NRDE2: variants seen among roughly 807,000 people sequenced by gnomAD.
The protein encoded by NRDE2 is nuclear exosome regulator NRDE2.
A neutral mutation model predicts 124.2 loss-of-function variants in NRDE2; 76 were observed. The ratio of observed to expected loss-of-function variants is 0.61; its 90% CI spans 0.51 to 0.74. The LOEUF (loss-of-function observed/expected upper bound fraction) is 0.74. NRDE2 is among the 30% of genes least tolerant of loss of function. NRDE2 has a pLI of 0.00. For synonymous variants in NRDE2, 489 were observed against 528.1 expected (o/e 0.93, Z 1.01); for missense variants, 1,314 against 1,417.3 (o/e 0.93, Z 1.17).
chr14:90,286,260 G>A, intron 12 of NRDE2, 94 bp downstream of exon 12: 1 of 1,412,822 alleles, frequency 7.1e-7, no homozygotes, highest in Non-Finnish European at 9.5e-7. Context: ...GCTCTCCTGG[G>A]CAGGGGCTAC....
rs1885063464 is a variant in NRDE2 at position 90,316,728 on chromosome 14, T to G, written c.257A>C (p.Lys86Thr). ...ATGCTGATGCTTCCTTTTTTTCTTT[T>G]TCTCTTTCTTCTTTTTTCTACTTGT... ...KQTSRKKKKE[K>T]KKKRKHQHHK... Residue 86 changes from lysine (K) to threonine (T), a missense_variant, in exon 3 of 14, where the codon AAA becomes ACA. Transcript: ENST00000354366. 1 of 1,613,636 alleles carries G rather than the reference T, an allele frequency of 6.2e-7. No homozygotes were observed. The highest frequency in any genetic ancestry group is 8.5e-7 in the Non-Finnish European group (1 of 1,179,980).
chr14:90,331,689 G>A (rs1013240718), intron 1 of NRDE2, 152 bp downstream of exon 1: 2 of 817,924 alleles, frequency 2.4e-6, no homozygotes, highest in African/African-American at 1.7e-5. Context: ...GACCTCGGAG[G>A]GATTGAGCCT....
rs1891577744 is a variant in NRDE2, at chr14:90,268,548, AG to A, written c.*9787del. 4 of 808,244 alleles carry A rather than the reference AG, an allele frequency of 4.9e-6. No homozygotes were observed. In the East Asian group the frequency reaches 1.0e-4, roughly 20 times the overall value. The allele number at this position is 808,244 out of a possible 1,614,324, so 50.1% of individuals were successfully genotyped here. On this transcript the variant is annotated 3_prime_UTR_variant, in exon 14 of 14. Coordinates refer to ENST00000354366, the MANE Select transcript of NRDE2 (RefSeq NM_017970.4). ...GTGCGTGGCCTTCCATGCATGCTTT[AG>A]GCTCTGCTCTCCCAGGAGCCAGCTA...
intron 11 of NRDE2, 142 bp from the exon 12 acceptor site, chr14:90,286,634 C>A: frequency 1.9e-6 from 2 of 1,064,832 alleles, no homozygotes; most frequent in Non-Finnish European, 1.3e-6. Flanking sequence ...AGGCGTAGAG[C>A]GCTGTGTATG....
chr14:90,274,483 C>T lies in NRDE2; in HGVS notation c.*3853G>A, dbSNP rs1891749623. Reference sequence around the variant, plus strand: ...GAACGACCTCTGTCCACTGGGAGCACCTGGGAACAGTGACACCCCAACTGC... The same window carrying T: ...GAACGACCTCTGTCCACTGGGAGCATCTGGGAACAGTGACACCCCAACTGC... On this transcript the variant is annotated 3_prime_UTR_variant, in exon 14 of 14. Transcript: ENST00000354366. 1 of 152,554 alleles carries T rather than the reference C, an allele frequency of 6.6e-6. No homozygotes were observed. The highest frequency in any genetic ancestry group is 2.4e-5 in the African/African-American group (1 of 41,412). The allele number at this position is 152,554 out of a possible 1,614,324, so 9.5% of individuals were successfully genotyped here. A position where few individuals can be genotyped will look rare whatever the true frequency, so the allele number is the denominator to read the frequency against.
At chr14:90,279,177 G>C (rs1340741534) in intron 12 of NRDE2, 44 bp from the exon 13 acceptor site, 3 of 1,467,786 alleles carry the variant, frequency 2.0e-6, no homozygotes, top group East Asian at 2.3e-5. Flanking sequence ...AGTTGACACA[G>C]AGAGGCTAAG....
At chr14:90,320,533 C>T (rs1291166176) in intron 1 of NRDE2, among the ~76,000 whole-genome samples, 1 of 152,198 alleles carries the variant, frequency 6.6e-6, no homozygotes, top group African/African-American at 2.4e-5. Flanking sequence ...CAGAGCCAAA[C>T]CATATCAGTA....
chr14:90,324,392 T>C (rs990271807), intron 1 of NRDE2, among the ~76,000 whole-genome samples: 1 of 152,106 alleles, frequency 6.6e-6, no homozygotes, highest in South Asian at 2.1e-4. Context: ...ACACACATTT[T>C]AGGCCGGGCG....
chr14:90,328,287 C>T (rs182398962), intron 1 of NRDE2, among the ~76,000 whole-genome samples: 50 of 132,994 alleles, frequency 3.8e-4, no homozygotes, highest in African/African-American at 1.4e-3. Context: ...GCCTGGGCGA[C>T]AGCTAGACTC....
Position 90,268,933 on chromosome 14 carries a change from C to A in NRDE2, c.*9403G>T, listed in dbSNP as rs181462951. ...GGCTGAGAAGCCCAAGATCAAGGCA[C>A]TGGCATTGATGTCTAGTGAGGGCTG... On this transcript the variant is annotated 3_prime_UTR_variant, in exon 14 of 14. Coordinates refer to ENST00000354366, the MANE Select transcript of NRDE2 (RefSeq NM_017970.4). 4.1e-4 allele frequency: 65 copies of A among 160,054 alleles called. 1 individual carries two copies. The highest frequency in any genetic ancestry group is 1.2e-3 in the Admixed American group (20 of 16,212). 9.9% of individuals were successfully genotyped at this position (160,054 alleles called of 1,614,324 possible).
intron 1 of NRDE2, among the ~76,000 whole-genome samples, chr14:90,328,205 G>A (rs1885521648): frequency 6.6e-6 from 1 of 151,004 alleles, no homozygotes; most frequent in African/African-American, 2.4e-5. Flanking sequence ...TACTAGGGAG[G>A]CTGAGGCAGG....
At chr14:90,295,771 T>C (rs1884121825) in intron 8 of NRDE2, among the ~76,000 whole-genome samples, 1 of 152,224 alleles carries the variant, frequency 6.6e-6, no homozygotes, top group Non-Finnish European at 1.5e-5. Flanking sequence ...ATCAATTAGG[T>C]TTGCTGGAAT....
chr14:90,289,675 C>T (rs568118765), intron 10 of NRDE2, among the ~76,000 whole-genome samples: 28 of 152,332 alleles, frequency 1.8e-4, no homozygotes, highest in Non-Finnish European at 3.4e-4. Flanking sequence ...GCAACCTCTA[C>T]CTTCCATGTT....
At chr14:90,278,568 C>G in intron 13 of NRDE2, 107 bp from the exon 14 acceptor site, 1 of 1,370,992 alleles carries the variant, frequency 7.3e-7, no homozygotes, top group African/African-American at 1.4e-5. Context: ...CCTCCTGTCG[C>G]CCTCCACGGC....
At chr14:90,289,247 T>A in intron 10 of NRDE2, 102 bp from the exon 11 acceptor site, 1 of 916,488 alleles carries the variant, frequency 1.1e-6, no homozygotes, top group African/African-American at 1.7e-5. Flanking sequence ...CGTCTACGCT[T>A]CCTCCCTTTA....
chr14:90,268,579 C>T lies in NRDE2; in HGVS notation c.*9757G>A, dbSNP rs1242548675. On this transcript the variant is annotated 3_prime_UTR_variant, in exon 14 of 14. Coordinates refer to ENST00000354366, the MANE Select transcript of NRDE2 (RefSeq NM_017970.4). The stretch of plus-strand genomic sequence containing the variant: ...TGCTCTCCCAGGAGCCAGCTAACAA[C>T]TGCCCAGTAACTGTGAACGTCTGGA... 1 of 653,562 alleles carries T rather than the reference C, an allele frequency of 1.5e-6. No homozygotes were observed. Among genetic ancestry groups the T allele is most frequent in the African/African-American group, 1.8e-5 (1 of 54,810 alleles). The allele number at this position is 653,562 out of a possible 1,614,324, so 40.5% of individuals were successfully genotyped here. A position where few individuals can be genotyped will look rare whatever the true frequency, so the allele number is the denominator to read the frequency against.
intron 8 of NRDE2, among the ~76,000 whole-genome samples, chr14:90,297,784 T>C (rs1884230788): frequency 6.6e-6 from 1 of 151,622 alleles, no homozygotes; most frequent in African/African-American, 2.4e-5. Context: ...CTACCAAAAA[T>C]ACAAAAATTA....
In NRDE2 at chr14:90,276,210, A is replaced by G. The variant is rs1891799013; in HGVS notation, c.*2126T>C. 1 of 124,302 alleles carries G rather than the reference A, an allele frequency of 8.0e-6. No individual in the cohort carries two copies. Among genetic ancestry groups the G allele is most frequent in the African/African-American group, 2.9e-5 (1 of 34,304 alleles). 7.7% of individuals were successfully genotyped at this position (124,302 alleles called of 1,614,324 possible). ...CAGAAGTTCATGTCAGCAATCTCAA[A>G]CGGGCTGTTTTTTTTTTTTTTTTTT... On this transcript the variant is annotated 3_prime_UTR_variant, in exon 14 of 14. Transcript: ENST00000354366.
At chr14:90,300,235 A>G (rs1884343726) in intron 7 of NRDE2, among the ~76,000 whole-genome samples, 1 of 152,224 alleles carries the variant, frequency 6.6e-6, no homozygotes, top group Non-Finnish European at 1.5e-5. Flanking sequence ...CTTCTGTAGT[A>G]CAGCCTATTC....
Sources: allele counts gnomAD v4.1 joint callset (sites outside exome capture counted in the v4.1 genomes callset), GRCh38; gene constraint gnomAD v4.1.1; transcripts MANE v1.5; gene names NCBI Gene and HGNC (gene_info 2026-07-23, HGNC 2026-07-21).